Variants in HIBCH observed in about 807,000 individuals in gnomAD.
HIBCH encodes the protein 3-hydroxyisobutyryl-CoA hydrolase, also known as 3-hydroxyisobutyryl-CoA hydrolase, mitochondrial.
In HIBCH, 50 loss-of-function variants were observed where a neutral mutation model predicts 58.2. The observed-to-expected ratio is 0.86, with a 90% CI of 0.68 to 1.09. The LOEUF (loss-of-function observed/expected upper bound fraction) is 1.09, where lower values mean the gene tolerates loss of function less well. Among genes scored for constraint, HIBCH ranks in the 50% least tolerant of loss-of-function variants. HIBCH has a pLI of 0.00. For synonymous variants in HIBCH, 151 were observed against 146.9 expected (o/e 1.03, Z -0.20); for missense variants, 450 against 449.7 (o/e 1.00, Z -0.01).
At chr2:190,221,695 C>A (rs930814062) in intron 11 of HIBCH, among the ~76,000 whole-genome samples, 5 of 152,190 alleles carry the variant, frequency 3.3e-5, no homozygotes, top group Non-Finnish European at 7.3e-5. Flanking sequence ...CCCCACCCCC[C>A]ATCCAGTGCC....
Position 190,197,365 on chromosome 2 carries a change from A to G in HIBCH, c.*18-7368T>C, listed in dbSNP as rs2105885663. 6.6e-6 allele frequency among the ~76,000 whole-genome samples: 1 copy of G among 152,312 alleles called. No individual in the cohort carries two copies. The highest frequency in any genetic ancestry group is 2.1e-4 in the South Asian group (1 of 4,830). On this transcript the variant is annotated intron_variant, in intron 1 of 1. Coordinates refer to the HIBCH transcript ENST00000399855. This position sits in a 1 kb window ranked among gnomAD's most constrained non-coding sequence, Gnocchi z 4.0. ...CAATTCCAAGGATTCTAAGTACTGT[A>G]TAACTTCTGGTGTCACTGTTCAACT...
chr2:190,315,359 C>T lies in HIBCH; in HGVS notation c.35+4357G>A, dbSNP rs1275391851. 6.6e-6 allele frequency among the ~76,000 whole-genome samples: 1 copy of T among 152,116 alleles called. No individual in the cohort carries two copies. The highest frequency in any genetic ancestry group is 1.5e-5 in the Non-Finnish European group (1 of 68,030). ...CAAAGTATGGTTCTTGGACAAGTAC[C>T]ATCAACATCCCCTGGAAACTGACTA... is the stretch of plus-strand genomic sequence containing the variant. On this transcript the variant is annotated intron_variant, in intron 1 of 13. Transcript: ENST00000359678. The surrounding 1 kb of genome is among the most constrained non-coding windows in gnomAD (Gnocchi z 5.4).
intron 11 of HIBCH, among the ~76,000 whole-genome samples, chr2:190,244,314 A>G (rs1402593429): frequency 6.6e-6 from 1 of 152,218 alleles, no homozygotes; most frequent in East Asian, 1.9e-4. Flanking sequence ...CCTGGTATGT[A>G]CACATTTATA....
intron 6 of HIBCH, among the ~76,000 whole-genome samples, chr2:190,272,427 C>T (rs1334927958): frequency 6.6e-6 from 1 of 152,188 alleles, no homozygotes; most frequent in Non-Finnish European, 1.5e-5. Flanking sequence ...GGGCAAAGAG[C>T]TCTCCTCCGC....
intron 8 of HIBCH, among the ~76,000 whole-genome samples, chr2:190,251,769 C>G (rs1686780896): frequency 6.6e-6 from 1 of 151,226 alleles, no homozygotes; most frequent in South Asian, 2.1e-4. Context: ...TTTCAATGCG[C>G]TAGGGAAACT....
intron 1 of HIBCH, among the ~76,000 whole-genome samples, chr2:190,190,507 A>G (rs1227530870): frequency 6.6e-6 from 1 of 152,216 alleles, no homozygotes; most frequent in Non-Finnish European, 1.5e-5. Context: ...TAAAGAGGCT[A>G]TGGATATTGG....
intron 1 of HIBCH, among the ~76,000 whole-genome samples, chr2:190,194,470 CTG>C (rs1217494872): frequency 1.5e-5 from 2 of 135,978 alleles, no homozygotes; most frequent in African/African-American, 3.1e-5. Flanking sequence ...CCCACGTATC[CTG>C]TGTATACACA....
Position 190,315,150 on chromosome 2 carries a change from T to C in HIBCH, c.36-4354A>G, listed in dbSNP as rs909458186. Among the ~76,000 whole-genome samples the C allele has an allele frequency of 8.6e-5, 13 of 152,040 alleles. No homozygotes were observed. Among genetic ancestry groups the C allele is most frequent in the African/African-American group, 2.7e-4 (11 of 41,404 alleles). On this transcript the variant is annotated intron_variant, in intron 1 of 13. Transcript: ENST00000359678. This position sits in a 1 kb window ranked among gnomAD's most constrained non-coding sequence, Gnocchi z 5.4. ...TTTTAGTAGAAACGGGGTTTCACCA[T>C]GTTAGCCAGCATGGTCATGATCTCC...
intron 5 of HIBCH, among the ~76,000 whole-genome samples, chr2:190,290,032 C>T (rs1423828489): frequency 6.6e-6 from 1 of 152,174 alleles, no homozygotes. Context: ...GCACTTGCCA[C>T]CGCACCCAGC....
chr2:190,212,318 T>C (rs1389159789), intron 12 of HIBCH, among the ~76,000 whole-genome samples: 1 of 152,204 alleles, frequency 6.6e-6, no homozygotes, highest in South Asian at 2.1e-4. Flanking sequence ...TTTCTGGCTA[T>C]TAAGCCAAAT....
At chr2:190,299,196 T>C (rs775925110) in intron 2 of HIBCH, among the ~76,000 whole-genome samples, 3 of 152,152 alleles carry the variant, frequency 2.0e-5, no homozygotes, top group Non-Finnish European at 4.4e-5. Flanking sequence ...TTAGCAAAAA[T>C]CTAATAGAAC....
intron 4 of HIBCH, among the ~76,000 whole-genome samples, chr2:190,291,912 TC>T (rs543799571): frequency 1.1e-3 from 161 of 152,374 alleles, no homozygotes; most frequent in African/African-American, 3.8e-3. Flanking sequence ...ATATGTTTCC[TC>T]TTTTATGGGA....
chr2:190,261,658 C>G (rs940521762), intron 6 of HIBCH, among the ~76,000 whole-genome samples: 20 of 152,174 alleles, frequency 1.3e-4, no homozygotes, highest in African/African-American at 4.8e-4. Context: ...TATTCCATGG[C>G]CTGCAAGGCT....
intron 6 of HIBCH, among the ~76,000 whole-genome samples, chr2:190,282,099 C>T (rs1687718854): frequency 6.6e-6 from 1 of 152,160 alleles, no homozygotes; most frequent in South Asian, 2.1e-4. Flanking sequence ...CCGTTCACAG[C>T]AATACAGGTT....
Position 190,288,023 on chromosome 2 carries a change from C to T in HIBCH, c.386-385G>A, listed in dbSNP as rs546971105. Among the ~76,000 whole-genome samples the T allele has an allele frequency of 8.6e-5, 13 of 151,992 alleles. 1 individual carries two copies. The South Asian group carries it at 2.5e-3, about 29-fold the overall frequency. On this transcript the variant is annotated intron_variant, in intron 5 of 13. Coordinates refer to ENST00000359678, the MANE Select transcript of HIBCH (RefSeq NM_014362.4). ...AAGTATAGCCAGGTGTGGTGGCAGG[C>T]ACCTGTGCTCCCAGCTGCTCAGAAA...
intron 3 of HIBCH, 92 bp downstream of exon 3, chr2:190,296,721 T>C (rs1022040428): frequency 2.2e-5 from 26 of 1,187,924 alleles, no homozygotes; most frequent in South Asian, 6.2e-5. Flanking sequence ...TCCCAGAGAA[T>C]TATGTGATTC....
chr2:190,240,956 T>C (rs576365257), intron 11 of HIBCH, among the ~76,000 whole-genome samples: 1 of 152,328 alleles, frequency 6.6e-6, no homozygotes, highest in African/African-American at 2.4e-5. Context: ...ATTATGTTGA[T>C]TTGGGGTAGA....
chr2:190,247,270 A>G (rs1287808681), intron 9 of HIBCH, among the ~76,000 whole-genome samples: 1 of 152,204 alleles, frequency 6.6e-6, no homozygotes, highest in African/African-American at 2.4e-5. Context: ...AATGCTGAAT[A>G]AGTCTAAGAT....
At chr2:190,205,302 T>C (rs1246447117) in intron 13 of HIBCH, 70 bp from the exon 14 acceptor site, 3 of 875,614 alleles carry the variant, frequency 3.4e-6, no homozygotes, top group Non-Finnish European at 5.6e-6. Flanking sequence ...ACTTACTGAA[T>C]TGACAGAAAT....
Sources: allele counts gnomAD v4.1 joint callset (sites outside exome capture counted in the v4.1 genomes callset), GRCh38; gene constraint gnomAD v4.1.1; non-coding constraint Gnocchi (gnomAD v3.1); transcripts MANE v1.5; gene names NCBI Gene and HGNC (gene_info 2026-07-23, HGNC 2026-07-21).